RBFOX1: variants seen among roughly 807,000 people sequenced by gnomAD.
RBFOX1 encodes RNA binding fox-1 homolog 1, also known as RNA binding protein fox-1 homolog 1.
Under a neutral mutation model 57.7 loss-of-function variants are expected in RBFOX1, and 8 were observed. The ratio of observed to expected loss-of-function variants is 0.14; its 90% CI spans 0.08 to 0.25. The LOEUF is 0.25. Ranked by LOEUF, RBFOX1 falls within the 10% of genes least tolerant of loss-of-function variation. The pLI is 1.00. For missense variants in RBFOX1, 611 were observed against 548.5 expected (o/e 1.11, Z -1.14); for synonymous variants, 326 against 222.4 (o/e 1.47, Z -4.15).
intron 11 of RBFOX1, among the ~76,000 whole-genome samples, chr16:7,640,584 T>A (rs1483650154): frequency 6.6e-6 from 1 of 152,212 alleles, no homozygotes; most frequent in Non-Finnish European, 1.5e-5. Flanking sequence ...GGGATTCCAA[T>A]GCATACACAG....
At chr16:6,131,049 A>G (rs952684106) in intron 1 of RBFOX1, among the ~76,000 whole-genome samples, 2 of 152,220 alleles carry the variant, frequency 1.3e-5, no homozygotes, top group African/African-American at 4.8e-5. Flanking sequence ...GAGGCCAGAT[A>G]GGCATGCATA....
chr16:7,386,168 T>C (rs1237503587), intron 4 of RBFOX1, among the ~76,000 whole-genome samples: 1 of 152,008 alleles, frequency 6.6e-6, no homozygotes, highest in East Asian at 1.9e-4. Flanking sequence ...CTCAGAGATA[T>C]CAGATGTAGG....
intron 4 of RBFOX1, among the ~76,000 whole-genome samples, chr16:7,244,501 G>C (rs750186310): frequency 2.0e-5 from 3 of 152,242 alleles, no homozygotes; most frequent in South Asian, 4.1e-4. Flanking sequence ...TCTTAAGTAA[G>C]ATTGTATTTT....
At chr16:6,606,220 A>G (rs1223478606) in intron 2 of RBFOX1, among the ~76,000 whole-genome samples, 1 of 152,160 alleles carries the variant, frequency 6.6e-6, no homozygotes, top group South Asian at 2.1e-4. Flanking sequence ...GGAGGCTAAA[A>G]TAGGAATCCT....
chr16:6,122,754 T>A (rs1170017250), intron 1 of RBFOX1, among the ~76,000 whole-genome samples: 1 of 151,902 alleles, frequency 6.6e-6, no homozygotes, highest in Non-Finnish European at 1.5e-5. Flanking sequence ...ACCTTTGTCA[T>A]CCATTCTGCT....
At chr16:6,925,731 A>G (rs1173578907) in intron 3 of RBFOX1, among the ~76,000 whole-genome samples, 1 of 152,006 alleles carries the variant, frequency 6.6e-6, no homozygotes, top group Non-Finnish European at 1.5e-5. Context: ...TTGATTTTAA[A>G]CACCCAAACA....
At chr16:6,611,358 G>T (rs899988431) in intron 2 of RBFOX1, among the ~76,000 whole-genome samples, 1 of 152,122 alleles carries the variant, frequency 6.6e-6, no homozygotes, top group Non-Finnish European at 1.5e-5. Flanking sequence ...TGTTGGCCAG[G>T]CTGATCTCAA....
chr16:7,374,970 G>A (rs1243100762), intron 4 of RBFOX1, among the ~76,000 whole-genome samples: 1 of 152,208 alleles, frequency 6.6e-6, no homozygotes, highest in Non-Finnish European at 1.5e-5. Flanking sequence ...TTAAATTAAT[G>A]TGTACAACAT....
chr16:6,643,978 T>C (rs2098512947), intron 2 of RBFOX1, among the ~76,000 whole-genome samples: 1 of 151,940 alleles, frequency 6.6e-6, no homozygotes, highest in East Asian at 1.9e-4. Context: ...ATAAAAAAAA[T>C]AGCCAGACGT....
intron 5 of RBFOX1, among the ~76,000 whole-genome samples, chr16:7,551,106 GAAAA>G (rs56961445): frequency 4.3e-4 from 58 of 135,436 alleles, no homozygotes; most frequent in Non-Finnish European, 5.8e-4. Flanking sequence ...AAAAAAAAAA[GAAAA>G]AAAAAGAATA....
At chr16:7,372,095 G>A (rs1187948883) in intron 4 of RBFOX1, among the ~76,000 whole-genome samples, 3 of 152,142 alleles carry the variant, frequency 2.0e-5, no homozygotes, top group African/African-American at 7.2e-5. Flanking sequence ...CTAGCAGTGT[G>A]ATTGTTGGGT....
chr16:6,133,585 C>A (rs550382367), intron 1 of RBFOX1, among the ~76,000 whole-genome samples: 1 of 152,182 alleles, frequency 6.6e-6, no homozygotes, highest in African/African-American at 2.4e-5. Context: ...CAGGGAAGAT[C>A]TGTTTAAAAT....
rs117555822 is a variant in RBFOX1 at position 7,393,644 on chromosome 16, G to T, written c.28-124503G>T. Among the ~76,000 whole-genome samples, 633 of 152,218 alleles carry T rather than the reference G, an allele frequency of 4.2e-3. 3 individuals carry two copies. The highest frequency in any genetic ancestry group is 6.2e-3 in the Non-Finnish European group (422 of 68,018). ...TCAGGGGGAAACATAGCCTCAGCCT[G>T]ATCTTGTAAGAAGATCTGGATTATT... On this transcript the variant is annotated intron_variant, in intron 4 of 15. Coordinates refer to ENST00000550418, the MANE Select transcript of RBFOX1 (RefSeq NM_018723.4).
chr16:5,403,205 C>G (rs1013234005), intron 1 of RBFOX1, among the ~76,000 whole-genome samples: 1 of 151,914 alleles, frequency 6.6e-6, no homozygotes, highest in Non-Finnish European at 1.5e-5. Context: ...ACAAAATTAG[C>G]TGGGTGTGGT....
chr16:6,514,005 G>T (rs17140427), intron 2 of RBFOX1, among the ~76,000 whole-genome samples: 8,388 of 152,196 alleles, frequency 0.055, 793 homozygotes, highest in African/African-American at 0.19. Context: ...TTTGCAAATG[G>T]CGCATGTCCA....
chr16:5,549,978 A>G (rs1164503058), intron 2 of RBFOX1, among the ~76,000 whole-genome samples: 3 of 152,184 alleles, frequency 2.0e-5, no homozygotes, highest in Admixed American at 1.3e-4. Flanking sequence ...AGATGCTTGT[A>G]TTTTGCATAT....
chr16:7,316,396 G>T (rs1298182189), intron 4 of RBFOX1, among the ~76,000 whole-genome samples: 5 of 152,192 alleles, frequency 3.3e-5, no homozygotes, highest in Non-Finnish European at 7.4e-5. Context: ...TGCAAGGCAT[G>T]TGAGGCCCAG....
In RBFOX1 at chr16:6,801,296, A is replaced by G. The variant is rs74007068; in HGVS notation, c.-16+146646A>G. ...ATGATGATTTTGTCCTTTAGAACATATAAATGGGATCTACAGTTGAGAGAG... is the reference window on the plus strand; with the variant it reads ...ATGATGATTTTGTCCTTTAGAACATGTAAATGGGATCTACAGTTGAGAGAG... On this transcript the variant is annotated intron_variant, in intron 3 of 15. Transcript: ENST00000550418. Among the ~76,000 whole-genome samples, 1,329 of 152,196 alleles carry G rather than the reference A, an allele frequency of 8.7e-3. 16 individuals are homozygous for G. The highest frequency in any genetic ancestry group is 0.014 in the Middle Eastern group (4 of 294).
chr16:5,457,887 C>G (rs936971146), intron 1 of RBFOX1, among the ~76,000 whole-genome samples: 1 of 152,192 alleles, frequency 6.6e-6, no homozygotes, highest in African/African-American at 2.4e-5. Flanking sequence ...CTACACATAA[C>G]ATGCCCTCCT....
Sources: allele counts gnomAD v4.1 joint callset (sites outside exome capture counted in the v4.1 genomes callset), GRCh38; gene constraint gnomAD v4.1.1; transcripts MANE v1.5; gene names NCBI Gene and HGNC (gene_info 2026-07-23, HGNC 2026-07-21).